GRIN2A: variants seen among roughly 807,000 people sequenced by gnomAD.
GRIN2A encodes the protein glutamate ionotropic receptor NMDA type subunit 2A.
Under a neutral mutation model 113.4 loss-of-function variants are expected in GRIN2A, and 22 were observed. That is an observed-to-expected ratio of 0.19 (90% confidence interval 0.14 to 0.28). The LOEUF (loss-of-function observed/expected upper bound fraction) is 0.28. Ranked by LOEUF, GRIN2A falls within the 10% of genes least tolerant of loss-of-function variation. The pLI, the probability that GRIN2A is intolerant of heterozygous loss-of-function variation, is 1.00. For missense variants in GRIN2A, 1,502 were observed against 1,887.0 expected (o/e 0.80, Z 3.78); for synonymous variants, 827 against 738.4 (o/e 1.12, Z -1.94).
At chr16:9,999,611 G>T (rs1477787246) in intron 2 of GRIN2A, among the ~76,000 whole-genome samples, 1 of 152,014 alleles carries the variant, frequency 6.6e-6, no homozygotes, top group East Asian at 1.9e-4. Context: ...GCTAGGGGAG[G>T]GATAGCATTA....
intron 3 of GRIN2A, among the ~76,000 whole-genome samples, chr16:9,926,441 A>G (rs777594370): frequency 3.3e-5 from 5 of 152,196 alleles, no homozygotes; most frequent in Non-Finnish European, 7.3e-5. Context: ...TTTAAGTAAG[A>G]ATGTTTGACC....
intron 2 of GRIN2A, among the ~76,000 whole-genome samples, chr16:9,951,988 A>G (rs915606513): frequency 6.6e-6 from 1 of 152,152 alleles, no homozygotes; most frequent in Non-Finnish European, 1.5e-5. Flanking sequence ...GTGACCTCCC[A>G]GCCCCCAACG....
chr16:9,991,980 A>G (rs2046124181), intron 2 of GRIN2A, among the ~76,000 whole-genome samples: 1 of 152,156 alleles, frequency 6.6e-6, no homozygotes, highest in South Asian at 2.1e-4. Context: ...TGATGGGTTG[A>G]TGGGTGCAGC....
At chr16:10,020,835 G>A (rs753149603) in intron 2 of GRIN2A, among the ~76,000 whole-genome samples, 3 of 152,076 alleles carry the variant, frequency 2.0e-5, no homozygotes, top group Admixed American at 2.0e-4. Flanking sequence ...CCCCTGCCAG[G>A]TTTAGCAGGG....
chr16:9,829,335 T>G, intron 9 of GRIN2A, 88 bp downstream of exon 9: 1 of 813,766 alleles, frequency 1.2e-6, no homozygotes, highest in Non-Finnish European at 2.1e-6. Flanking sequence ...TTGATGGATC[T>G]CAATGAGAGG....
chr16:9,937,797 G>T, intron 3 of GRIN2A, 162 bp downstream of exon 3: 1 of 635,308 alleles, frequency 1.6e-6, no homozygotes, highest in South Asian at 1.9e-5. Flanking sequence ...TTACAAAGGA[G>T]ATGAAAGAAA....
chr16:9,905,448 G>T (rs534477870), intron 3 of GRIN2A, among the ~76,000 whole-genome samples: 1 of 152,314 alleles, frequency 6.6e-6, no homozygotes, highest in East Asian at 1.9e-4. Context: ...CCAGGTGCAA[G>T]ATGATAACAG....
intron 3 of GRIN2A, among the ~76,000 whole-genome samples, chr16:9,930,711 G>T (rs1333490725): frequency 6.6e-6 from 1 of 152,220 alleles, no homozygotes; most frequent in East Asian, 1.9e-4. Flanking sequence ...TAACTGAGCA[G>T]GCATTTCTAT....
At chr16:9,834,030 T>G (rs1270653833) in intron 8 of GRIN2A, 75 bp downstream of exon 8, 1 of 1,479,470 alleles carries the variant, frequency 6.8e-7, no homozygotes, top group African/African-American at 1.4e-5. Flanking sequence ...AGTAATGTGT[T>G]CTAAAACTGA....
chr16:9,962,709 CGGT>C (rs2045467013), intron 2 of GRIN2A, among the ~76,000 whole-genome samples: 2 of 152,068 alleles, frequency 1.3e-5, no homozygotes, highest in African/African-American at 4.8e-5. Context: ...GTGTGGAAAT[CGGT>C]AGATTGCTCA....
At chr16:9,990,100 T>A (rs2046071410) in intron 2 of GRIN2A, among the ~76,000 whole-genome samples, 1 of 152,192 alleles carries the variant, frequency 6.6e-6, no homozygotes, top group African/African-American at 2.4e-5. Flanking sequence ...ATCACAGCAC[T>A]ATTTACAATA....
intron 2 of GRIN2A, among the ~76,000 whole-genome samples, chr16:10,149,516 TA>T (rs2049522799): frequency 1.3e-5 from 2 of 152,252 alleles, no homozygotes; most frequent in South Asian, 4.1e-4. Flanking sequence ...GTTGATTAAA[TA>T]AAAGCCCTAA....
At chr16:9,931,014 G>A (rs890703695) in intron 3 of GRIN2A, among the ~76,000 whole-genome samples, 1 of 152,126 alleles carries the variant, frequency 6.6e-6, no homozygotes, top group African/African-American at 2.4e-5. Context: ...CACATAAATG[G>A]TCATGCCAGG....
chr16:9,944,049 A>T (rs954460017), intron 2 of GRIN2A, among the ~76,000 whole-genome samples: 2 of 152,192 alleles, frequency 1.3e-5, no homozygotes, highest in Non-Finnish European at 2.9e-5. Flanking sequence ...TACACCCAAG[A>T]AGCATGAGAG....
chr16:10,020,666 A>C (rs2141895459), intron 2 of GRIN2A, among the ~76,000 whole-genome samples: 1 of 152,304 alleles, frequency 6.6e-6, no homozygotes, highest in Admixed American at 6.5e-5. Context: ...TCAGCTGCAA[A>C]ATGAGGATAA....
intron 4 of GRIN2A, among the ~76,000 whole-genome samples, chr16:9,867,964 C>G (rs527615571): frequency 6.6e-6 from 1 of 152,210 alleles, no homozygotes; most frequent in South Asian, 2.1e-4. Context: ...AACTCAGCCT[C>G]TTATCTTCCA....
At chr16:10,107,052 C>A (rs1173266750) in intron 2 of GRIN2A, among the ~76,000 whole-genome samples, 1 of 152,152 alleles carries the variant, frequency 6.6e-6, no homozygotes, top group African/African-American at 2.4e-5. Flanking sequence ...GAAATCTTTA[C>A]CCCTAAGGGA....
intron 11 of GRIN2A, among the ~76,000 whole-genome samples, chr16:9,780,678 C>A (rs767679308): frequency 6.6e-6 from 1 of 151,816 alleles, no homozygotes; most frequent in Admixed American, 6.6e-5. Context: ...GGGATTTGTG[C>A]AATATAACGA....
intron 2 of GRIN2A, among the ~76,000 whole-genome samples, chr16:10,047,610 C>T (rs1338722355): frequency 1.3e-5 from 2 of 152,182 alleles, no homozygotes; most frequent in African/African-American, 4.8e-5. Flanking sequence ...ATCTTCTTAC[C>T]ATTTCTGCAA....
Sources: allele counts gnomAD v4.1 joint callset (sites outside exome capture counted in the v4.1 genomes callset), GRCh38; gene constraint gnomAD v4.1.1; transcripts MANE v1.5; gene names NCBI Gene and HGNC (gene_info 2026-07-23, HGNC 2026-07-21).